PCDH9: variants seen among roughly 807,000 people sequenced by gnomAD.
PCDH9 encodes the protein protocadherin-9.
Under a neutral mutation model 70.6 loss-of-function variants are expected in PCDH9, and 24 were observed. That is an observed-to-expected ratio of 0.34 (90% CI 0.25 to 0.48). The LOEUF (loss-of-function observed/expected upper bound fraction) is 0.48, where lower values mean the gene tolerates loss of function less well. Among genes scored for constraint, PCDH9 ranks in the 20% least tolerant of loss-of-function variants. The pLI, the probability that PCDH9 is intolerant of heterozygous loss-of-function variation, is 0.99. For missense variants in PCDH9, 1,281 were observed against 1,503.6 expected (o/e 0.85, Z 2.45); for synonymous variants, 562 against 558.5 (o/e 1.01, Z -0.09).
rs79586328 is a variant in PCDH9 at position 66,330,175 on chromosome 13, T to C, written c.3341-25147A>G. Among the ~76,000 whole-genome samples the C allele has an allele frequency of 3.3e-3, 507 of 152,354 alleles. 2 individuals are homozygous for C. Among genetic ancestry groups the C allele is most frequent in the African/African-American group, 0.012 (489 of 41,586 alleles). On this transcript the variant is annotated intron_variant, in intron 4 of 4. Transcript: ENST00000377865. ...CATATAGAAGTCTGTTCAGTACTTATTTTGATAGTCTCTTCCTGTTTTTCT... is the reference window on the plus strand; with the variant it reads ...CATATAGAAGTCTGTTCAGTACTTACTTTGATAGTCTCTTCCTGTTTTTCT...
rs200408330 is a variant in PCDH9 at position 66,304,725 on chromosome 13, G to C, written c.3644C>G (p.Pro1215Arg). 8.1e-6 allele frequency: 13 copies of C among 1,613,110 alleles called. No individual in the cohort carries two copies. In the Admixed American group the frequency reaches 2.2e-4, roughly 27 times the overall value. Residue 1215 changes from proline to arginine, a missense_variant, in exon 5 of 5, where the codon CCT becomes CGT. By Grantham distance (103) the Pro-to-Arg change is moderately radical. Coordinates refer to ENST00000377865, the MANE Select transcript of PCDH9 (RefSeq NM_203487.3). The part of the protein sequence containing the change: ...FNNGSHMTDI[P>R]LANLKSYKQA... Reference sequence around the variant, plus strand: ...CTTATAAGACTTCAGATTTGCCAGAGGAATGTCTGTCATGTGGCTGCCATT... The same window carrying C: ...CTTATAAGACTTCAGATTTGCCAGACGAATGTCTGTCATGTGGCTGCCATT...
intron 4 of PCDH9, among the ~76,000 whole-genome samples, chr13:66,322,567 A>C (rs1007297478): frequency 6.6e-6 from 1 of 152,072 alleles, no homozygotes; most frequent in Admixed American, 6.5e-5. Context: ...ATATCATTAG[A>C]GAATCAGGCA....
At position 66,903,597 on chromosome 13, in the gene PCDH9, T is replaced by G; in HGVS notation, c.3045A>C (p.Ser1015=). 7.0e-7 allele frequency: 1 copy of G among 1,420,320 alleles called. No homozygotes were observed. Among genetic ancestry groups the G allele is most frequent in the Admixed American group, 1.7e-5 (1 of 58,896 alleles). 88.0% of individuals were successfully genotyped at this position (1,420,320 alleles called of 1,614,324 possible). ...CAGGAATATTGTCACTTTTGCTGTG[T>G]GAGTTACACTGAAAGAGATTACCAA... ...KGPLHTRQCN[S]HSKSDNIPVT... The change falls in exon 3 of 5, where the codon TCA becomes TCC. Residue 1015 remains serine, a synonymous_variant. Coordinates refer to ENST00000377865, the MANE Select transcript of PCDH9 (RefSeq NM_203487.3).
At chr13:66,755,094 A>G (rs567995770) in intron 3 of PCDH9, among the ~76,000 whole-genome samples, 1 of 148,710 alleles carries the variant, frequency 6.7e-6, no homozygotes, top group Non-Finnish European at 1.5e-5. Flanking sequence ...AACCCTGAAA[A>G]CTGCAATGTT....
intron 4 of PCDH9, among the ~76,000 whole-genome samples, chr13:66,518,151 T>C (rs1387190928): frequency 1.3e-5 from 2 of 151,976 alleles, no homozygotes; most frequent in Admixed American, 6.6e-5. Flanking sequence ...AAACAAGAAC[T>C]TACATGTCAT....
intron 4 of PCDH9, among the ~76,000 whole-genome samples, chr13:66,508,083 A>C (rs1266351095): frequency 6.6e-6 from 1 of 152,134 alleles, no homozygotes; most frequent in Non-Finnish European, 1.5e-5. Context: ...CAGTTTGTTC[A>C]TGGAGTTGTC....
intron 4 of PCDH9, among the ~76,000 whole-genome samples, chr13:66,370,630 C>T (rs1956633071): frequency 6.6e-6 from 1 of 151,594 alleles, no homozygotes; most frequent in South Asian, 2.1e-4. Context: ...CCCGTATCAG[C>T]CTCTTGAGTA....
Position 66,744,146 on chromosome 13 carries a change from T to G in PCDH9, c.3139-112735A>C, listed in dbSNP as rs115037842. 7.9e-3 allele frequency among the ~76,000 whole-genome samples: 1,209 copies of G among 152,338 alleles called. 14 individuals are homozygous for G. The highest frequency in any genetic ancestry group is 0.027 in the African/African-American group (1,131 of 41,574). On this transcript the variant is annotated intron_variant, in intron 3 of 4. Coordinates refer to ENST00000377865, the MANE Select transcript of PCDH9 (RefSeq NM_203487.3). ...CGCATCTGGGTAATGGAATTCTGAC[T>G]GTCTCCACACTTCCAAAACTATAAA...
chr13:66,608,775 A>AAG (rs968110213), intron 4 of PCDH9, among the ~76,000 whole-genome samples: 1 of 152,254 alleles, frequency 6.6e-6, no homozygotes, highest in East Asian at 1.9e-4. Flanking sequence ...AATAATAATA[A>AAG]AGAGAGAGAG....
intron 4 of PCDH9, among the ~76,000 whole-genome samples, chr13:66,481,267 A>G (rs2138509295): frequency 9.5e-6 from 1 of 105,356 alleles, no homozygotes; most frequent in East Asian, 3.3e-4. Context: ...ACAAACTTGC[A>G]CGTTCTGTAC....
At chr13:66,314,505 C>T (rs527466965) in intron 4 of PCDH9, among the ~76,000 whole-genome samples, 6 of 152,298 alleles carry the variant, frequency 3.9e-5, no homozygotes, top group Non-Finnish European at 5.9e-5. Context: ...CCTATGTGAG[C>T]GCATGTAATC....
intron 2 of PCDH9, chr13:67,212,920 T>C (rs1313690316): frequency 6.6e-6 from 1 of 152,178 alleles, no homozygotes; most frequent in Non-Finnish European, 1.5e-5. Context: ...CTCTCCATTA[T>C]AAAAGCTAAT....
chr13:66,338,110 G>A (rs1451965814), intron 4 of PCDH9, among the ~76,000 whole-genome samples: 2 of 152,080 alleles, frequency 1.3e-5, no homozygotes, highest in Non-Finnish European at 2.9e-5. Context: ...CATTAGGATG[G>A]TAATGTCTAC....
chr13:66,326,704 C>T (rs1426644519), intron 4 of PCDH9, among the ~76,000 whole-genome samples: 1 of 152,090 alleles, frequency 6.6e-6, no homozygotes, highest in Non-Finnish European at 1.5e-5. Context: ...GTGTGAGCCA[C>T]CGCTCCTAGT....
At chr13:67,084,675 T>A (rs919726804) in intron 2 of PCDH9, among the ~76,000 whole-genome samples, 1 of 151,798 alleles carries the variant, frequency 6.6e-6, no homozygotes, top group Non-Finnish European at 1.5e-5. Flanking sequence ...ACTGGTTCAA[T>A]AACATATGTT....
chr13:67,023,168 G>A (rs1016940222), intron 2 of PCDH9, among the ~76,000 whole-genome samples: 1 of 142,066 alleles, frequency 7.0e-6, no homozygotes, highest in African/African-American at 2.7e-5. Flanking sequence ...TTTTTTTTTA[G>A]CCTTCATAGC....
intron 3 of PCDH9, among the ~76,000 whole-genome samples, chr13:66,735,226 T>C (rs1259840649): frequency 6.6e-6 from 1 of 152,196 alleles, no homozygotes; most frequent in East Asian, 1.9e-4. Flanking sequence ...CTTTGACACA[T>C]ATGCTGACTG....
chr13:66,531,010 C>T (rs969444225), intron 4 of PCDH9, among the ~76,000 whole-genome samples: 9 of 151,682 alleles, frequency 5.9e-5, no homozygotes, highest in Non-Finnish European at 2.9e-5. Flanking sequence ...TGTGTTTTTC[C>T]CATGCTTATT....
chr13:66,447,516 A>T (rs1042368767), intron 4 of PCDH9, among the ~76,000 whole-genome samples: 1 of 152,132 alleles, frequency 6.6e-6, no homozygotes, highest in African/African-American at 2.4e-5. Context: ...TAAAAAAATT[A>T]ATTTGGCAAT....
Sources: allele counts gnomAD v4.1 joint callset (sites outside exome capture counted in the v4.1 genomes callset), GRCh38; gene constraint gnomAD v4.1.1; transcripts MANE v1.5; gene names NCBI Gene and HGNC (gene_info 2026-07-23, HGNC 2026-07-21).